Variants in RBM43 observed in about 807,000 individuals in gnomAD.
RBM43 encodes RNA-binding protein 43.
Under a neutral mutation model 12.4 loss-of-function variants are expected in RBM43, and 12 were observed. The ratio of observed to expected loss-of-function variants is 0.97; its 90% CI spans 0.62 to 1.57. The LOEUF (loss-of-function observed/expected upper bound fraction) is 1.57. Ranked by LOEUF, RBM43 falls within the 40% of genes most tolerant of loss-of-function variation. The probability of loss-of-function intolerance (pLI) is 0.00; values close to 1 mark genes in which losing one functional copy is unlikely to be tolerated. For synonymous variants in RBM43, 138 were observed against 145.7 expected, an observed-to-expected ratio of 0.95 and a Z score of 0.38; for missense variants, 348 against 400.1, an observed-to-expected ratio of 0.87 and a Z score of 1.11.
rs550497389 is a variant in RBM43, at chr2:151,260,370, C to A, written c.3+1355G>T. 2.0e-5 allele frequency among the ~76,000 whole-genome samples: 3 copies of A among 152,174 alleles called. No homozygotes were observed. In the East Asian group the frequency reaches 5.8e-4, roughly 29 times the overall value. On this transcript the variant is annotated intron_variant, in intron 1 of 3. Transcript: ENST00000331426. ...CCTCCCAAAGTGCTGGGATTACAGG[C>A]GTGAGCCACCGTGCCGGGCAGGGAG...
chr2:151,259,695 A>G (rs573925345), intron 1 of RBM43, among the ~76,000 whole-genome samples: 1 of 152,158 alleles, frequency 6.6e-6, no homozygotes, highest in Non-Finnish European at 1.5e-5. Flanking sequence ...AAAAACAGAA[A>G]TGCTCAACCC....
rs759312201 is a variant in RBM43 at position 151,251,281 on chromosome 2, C to T, written c.699G>A (p.Lys233=). Residue 233 remains lysine (K), a synonymous_variant, in exon 4 of 4, where the codon AAG becomes AAA. Transcript: ENST00000331426. ...DTDVFLYLKH[K]CGSYESTLKK... is the part of the protein sequence containing the mutation. Reference sequence around the variant, plus strand: ...TCAGTGTGCTTTCATAAGATCCACACTTGTGTTTCAGGTAAAGAAAAACAT... The same window carrying T: ...TCAGTGTGCTTTCATAAGATCCACATTTGTGTTTCAGGTAAAGAAAAACAT... 1.2e-6 allele frequency: 2 copies of T among 1,613,994 alleles called. No individual in the cohort carries two copies. Among genetic ancestry groups the T allele is most frequent in the South Asian group, 1.1e-5 (1 of 91,080 alleles).
intron 1 of RBM43, 169 bp downstream of exon 1, chr2:151,261,556 G>A (rs1683047191): frequency 1.3e-6 from 2 of 1,543,662 alleles, no homozygotes; most frequent in African/African-American, 2.7e-5. Context: ...CGCCGGGGTG[G>A]ACGGCTCTCC....
At chr2:151,260,919 G>C (rs1209498484) in intron 1 of RBM43, 1 of 293,982 alleles carries the variant, frequency 3.4e-6, no homozygotes, top group Non-Finnish European at 6.7e-6. Context: ...AAAGCAAAAA[G>C]TATATAGCAA....
In RBM43 at chr2:151,251,157, G is replaced by A; in HGVS notation, c.823C>T (p.His275Tyr). Residue 275 changes from histidine (H) to tyrosine (Y), a missense_variant, in exon 4 of 4, where the codon CAT becomes TAT. By Grantham distance (83) the His-to-Tyr change is moderately conservative. Coordinates refer to ENST00000331426, the MANE Select transcript of RBM43 (RefSeq NM_198557.3). ...CATTCCTCAATGAGCTCTTTTACAT[G>A]TTTTGCATTGTTTGGCTGAGAACCA... ...QVGSQPNNAK[H>Y]VKELIEEWSH... 6.2e-7 allele frequency: 1 copy of A among 1,613,900 alleles called. No homozygotes were observed. Among genetic ancestry groups the A allele is most frequent in the Non-Finnish European group, 8.5e-7 (1 of 1,179,954 alleles).
intron 1 of RBM43, among the ~76,000 whole-genome samples, chr2:151,256,731 A>T (rs1682980622): frequency 6.6e-6 from 1 of 152,210 alleles, no homozygotes; most frequent in South Asian, 2.1e-4. Flanking sequence ...AGACAGGAGA[A>T]TCACTTGAAC....
chr2:151,260,006 C>T (rs1683026588), intron 1 of RBM43, among the ~76,000 whole-genome samples: 1 of 152,040 alleles, frequency 6.6e-6, no homozygotes, highest in Admixed American at 6.5e-5. Flanking sequence ...GCTGGGACTA[C>T]AGGCATCAGC....
Position 151,251,066 on chromosome 2 carries a change from T to C in RBM43, c.914A>G (p.Glu305Gly), listed in dbSNP as rs1230817999. The C allele has an allele frequency of 3.7e-6, 6 of 1,613,848 alleles. No homozygotes were observed. Among genetic ancestry groups the C allele is most frequent in the Non-Finnish European group, 4.2e-6 (5 of 1,179,902 alleles). Residue 305 changes from glutamate to glycine, a missense_variant, in exon 4 of 4, where the codon GAG becomes GGG. Physicochemically the swap from Glu to Gly is moderately conservative, Grantham distance 98. Coordinates refer to ENST00000331426, the MANE Select transcript of RBM43 (RefSeq NM_198557.3). ...TFILEGKENR[E>G]KRMIKRACEQ... ...ACATGCCCTTTTGATCATTCTTTTCTCTCTATTTTCCTTTCCTTCCAAAAT... is the reference window on the plus strand; with the variant it reads ...ACATGCCCTTTTGATCATTCTTTTCCCTCTATTTTCCTTTCCTTCCAAAAT...
rs183310369 is a variant in RBM43, at chr2:151,251,946, C to A, written c.316-282G>T. Among the ~76,000 whole-genome samples, 54 of 152,206 alleles carry A rather than the reference C, an allele frequency of 3.5e-4. 1 individual carries two copies. Among genetic ancestry groups the A allele is most frequent in the African/African-American group, 1.2e-3 (51 of 41,522 alleles). ...TTTTTGAAACAGTTTTATGCAGAACCAATACATACAAACTGTTCTGGTTCT... is the reference window on the plus strand; with the variant it reads ...TTTTTGAAACAGTTTTATGCAGAACAAATACATACAAACTGTTCTGGTTCT... On this transcript the variant is annotated intron_variant, in intron 3 of 3. Coordinates refer to ENST00000331426, the MANE Select transcript of RBM43 (RefSeq NM_198557.3).
intron 3 of RBM43, among the ~76,000 whole-genome samples, chr2:151,251,984 T>A (rs934679088): frequency 2.6e-5 from 4 of 152,200 alleles, no homozygotes; most frequent in Non-Finnish European, 2.9e-5. Context: ...TTGGATAGGG[T>A]TCCCCCAGGA....
chr2:151,251,400 T>G lies in RBM43; in HGVS notation c.580A>C (p.Arg194=). 1 of 1,614,242 alleles carries G rather than the reference T, an allele frequency of 6.2e-7. No homozygotes were observed. The highest frequency in any genetic ancestry group is 8.5e-7 in the Non-Finnish European group (1 of 1,180,040). The change falls in exon 4 of 4, where the codon AGG becomes CGG. Residue 194 remains arginine, a synonymous_variant. Transcript: ENST00000331426. The part of the protein sequence containing the change: ...ERKWNRQNPQ[R]NLQRSNNSLA... Reference sequence around the variant, plus strand: ...GAGTTATTACTTCTCTGTAGATTCCTCTGGGGATTTTGTCTATTCCACTTT... The same window carrying G: ...GAGTTATTACTTCTCTGTAGATTCCGCTGGGGATTTTGTCTATTCCACTTT...
In RBM43 at chr2:151,249,858, C is replaced by G. The variant is rs996564369; in HGVS notation, c.*1048G>C. The G allele has an allele frequency of 6.6e-6, 1 of 152,194 alleles. No homozygotes were observed. Among genetic ancestry groups the G allele is most frequent in the Non-Finnish European group, 1.5e-5 (1 of 68,048 alleles). 9.4% of individuals were successfully genotyped at this position (152,194 alleles called of 1,614,324 possible). ...ACAGCAAGCAGTTTCAGTAGCCAGG[C>G]TCACAGAGAATTACATTCTTGGAGC... On this transcript the variant is annotated 3_prime_UTR_variant, in exon 4 of 4. Transcript: ENST00000331426.
rs774688878 is a variant in RBM43, at chr2:151,250,954, G to A, written c.1026C>T (p.Tyr342=). ...IDIIGSSSDT[Y]LFKKGVMKLI... is the part of the protein sequence containing the mutation. ...ATTTCATGACCCCTTTTTTAAACAG[G>A]TAAGTGTCAGAAGAAGATCCTATAA... is the stretch of plus-strand genomic sequence containing the variant. Residue 342 remains tyrosine (Y), a synonymous_variant, in exon 4 of 4, where the codon TAC becomes TAT. Transcript: ENST00000331426. The A allele has an allele frequency of 8.7e-6, 14 of 1,606,260 alleles. No individual in the cohort carries two copies. Among genetic ancestry groups the A allele is most frequent in the African/African-American group, 1.3e-5 (1 of 74,506 alleles).
At chr2:151,261,116 G>T in intron 1 of RBM43, 1 of 992,644 alleles carries the variant, frequency 1.0e-6, no homozygotes, top group Non-Finnish European at 1.4e-6. Flanking sequence ...GGAATTAAAG[G>T]CCTTGCCAAG....
intron 1 of RBM43, among the ~76,000 whole-genome samples, chr2:151,259,797 G>A (rs1573735802): frequency 6.6e-6 from 1 of 152,270 alleles, no homozygotes; most frequent in Middle Eastern, 3.4e-3. Flanking sequence ...GCACTAGGGA[G>A]AAATAGAAGA....
chr2:151,261,452 G>A (rs2105195286), intron 1 of RBM43: 3 of 1,550,604 alleles, frequency 1.9e-6, no homozygotes, highest in Non-Finnish European at 2.6e-6. Context: ...CTGAGCCTCT[G>A]GAGCGGGCCT....
chr2:151,252,953 A>T (rs1682924534), intron 2 of RBM43, 98 bp from the exon 3 acceptor site: 2 of 552,946 alleles, frequency 3.6e-6, no homozygotes, highest in African/African-American at 3.8e-5. Context: ...AATGTCTAAG[A>T]TTTTTTTCTA....
In RBM43 at chr2:151,259,534, G is replaced by A. The variant is rs374637934; in HGVS notation, c.3+2191C>T. ...GGCGCCTGTAATCCCAGCTACTCCA[G>A]AGGCTGAGGAACCAGAATGGCTGGA... On this transcript the variant is annotated intron_variant, in intron 1 of 3. Transcript: ENST00000331426. Among the ~76,000 whole-genome samples, 164 of 152,180 alleles carry A rather than the reference G, an allele frequency of 1.1e-3. 3 individuals carry two copies. The South Asian group carries it at 0.026, about 24-fold the overall frequency.
intron 2 of RBM43, among the ~76,000 whole-genome samples, chr2:151,253,466 T>C (rs1682931924): frequency 6.6e-6 from 1 of 152,182 alleles, no homozygotes; most frequent in African/African-American, 2.4e-5. Flanking sequence ...AACTGAACTG[T>C]TGATAACTAT....
Sources: gnomAD v4.1 joint callset for allele counts (sites outside exome capture counted in the v4.1 genomes callset) on GRCh38, gnomAD v4.1.1 for gene constraint, MANE v1.5 for transcripts, NCBI Gene and HGNC (gene_info 2026-07-23, HGNC 2026-07-21) for gene names.